ABCC5: variants seen among roughly 807,000 people sequenced by gnomAD.
ABCC5 encodes ATP-binding cassette sub-family C member 5.
ABCC5 carries 61 observed loss-of-function variants against 160.9 expected under a neutral mutation model. The ratio of observed to expected loss-of-function variants is 0.38; its 90% CI spans 0.31 to 0.47. The LOEUF is 0.47. Among genes scored for constraint, ABCC5 ranks in the 20% least tolerant of loss-of-function variants. The pLI, the probability that ABCC5 is intolerant of heterozygous loss-of-function variation, is 0.99. For synonymous variants in ABCC5, 666 were observed against 700.6 expected (o/e 0.95, Z 0.78); for missense variants, 1,308 against 1,813.3 (o/e 0.72, Z 5.06).
chr3:183,985,473 T>C, intron 5 of ABCC5: 3 of 1,086,672 alleles, frequency 2.8e-6, no homozygotes, highest in Non-Finnish European at 4.3e-6. Context: ...TGGAGAGAGG[T>C]TGGAAGGGTG....
At chr3:184,006,361 G>C (rs1170623675) in intron 2 of ABCC5, 1 of 149,992 alleles carries the variant, frequency 6.7e-6, no homozygotes, top group Non-Finnish European at 1.5e-5. Flanking sequence ...CAGAAAATCT[G>C]CTGAGTCACC....
chr3:183,983,004 A>G lies in ABCC5; in HGVS notation c.595T>C (p.Phe199Leu), dbSNP rs1718881429. 1 of 1,613,342 alleles carries G rather than the reference A, an allele frequency of 6.2e-7. No individual in the cohort carries two copies. The highest frequency in any genetic ancestry group is 1.1e-5 in the South Asian group (1 of 91,050). Residue 199 changes from phenylalanine to leucine, a missense_variant, in exon 6 of 30, where the codon TTC (phenylalanine) becomes CTC (leucine). By Grantham distance (22) the Phe-to-Leu change is conservative (BLOSUM62 0). Transcript: ENST00000334444. ...TQLAGFSGPA[F>L]MVKHLLEYTQ... ...TACTCCAAGAGGTGTTTCACCATGA[A>G]GGCCTACAGGGAGAGACACACACCA...
At chr3:184,014,130 C>T (rs749115264) in intron 2 of ABCC5, 134 bp downstream of exon 2, 26 of 666,298 alleles carry the variant, frequency 3.9e-5, no homozygotes, top group Middle Eastern at 3.4e-4. Context: ...GCCTCAGCCT[C>T]CCAAAGTGCT....
At chr3:183,981,206 A>T (rs1327439600) in intron 8 of ABCC5, among the ~76,000 whole-genome samples, 2 of 152,186 alleles carry the variant, frequency 1.3e-5, no homozygotes, top group East Asian at 3.9e-4. Context: ...TTGTGTTGAG[A>T]TCTTTCTGAA....
chr3:183,948,711 A>AT (rs971364783), intron 22 of ABCC5, among the ~76,000 whole-genome samples: 5 of 150,778 alleles, frequency 3.3e-5, no homozygotes, highest in South Asian at 2.1e-4. Context: ...TTTTATTTTT[A>AT]TTTTTTTTGA....
intron 5 of ABCC5, chr3:183,983,974 A>G: frequency 1.0e-6 from 1 of 985,456 alleles, no homozygotes; most frequent in Non-Finnish European, 1.2e-6. Context: ...ATCTGTTTCC[A>G]GAGTCCAAAG....
chr3:183,921,124 C>A lies in ABCC5; in HGVS notation c.*176G>T. On this transcript the variant is annotated 3_prime_UTR_variant, in exon 30 of 30. Transcript: ENST00000334444. The surrounding 1 kb of genome is among the most constrained non-coding windows in gnomAD (Gnocchi z 4.1). ...TGTTTACATGAATATGGAATAAATA[C>A]AATAATCAAAATATGACTCTCCCTA... The A allele has an allele frequency of 6.2e-6, 3 of 484,928 alleles. No individual in the cohort carries two copies. The highest frequency in any genetic ancestry group is 4.0e-5 in the South Asian group (1 of 25,316). 30.0% of individuals were successfully genotyped at this position (484,928 alleles called of 1,614,324 possible).
chr3:183,967,700 C>G lies in ABCC5; in HGVS notation c.1828G>C (p.Gly610Arg). 6.2e-7 allele frequency: 1 copy of G among 1,613,436 alleles called. No individual in the cohort carries two copies. The highest frequency in any genetic ancestry group is 8.5e-7 in the Non-Finnish European group (1 of 1,179,420). The change falls in exon 12 of 30, where the codon GGC becomes CGC. Residue 610 changes from glycine to arginine, a missense_variant. Around this residue, in one of 3 missense-constraint regions of ABCC5, gnomAD observed 1,142 missense variants for 1,527.1 expected, o/e 0.75. Transcript: ENST00000334444. ...GACAATAACAAAAATCTTACCTGGC[C>G]TAAAATGGCTGAAATGAGAGAGGTT... ...GKTSLISAILGQMTLLEGSIA... is the reference protein window; with the variant it reads ...GKTSLISAILRQMTLLEGSIA...
intron 2 of ABCC5, among the ~76,000 whole-genome samples, chr3:184,000,107 C>T (rs564295236): frequency 6.6e-6 from 1 of 151,950 alleles, no homozygotes; most frequent in East Asian, 1.9e-4. Context: ...ACCTACAATC[C>T]CAGCACTCTG....
intron 26 of ABCC5, among the ~76,000 whole-genome samples, chr3:183,936,160 C>A (rs1324690101): frequency 2.0e-5 from 3 of 152,026 alleles, no homozygotes; most frequent in Non-Finnish European, 4.4e-5. Context: ...CGGGCACACA[C>A]CACAGGCATG....
At position 183,949,126 on chromosome 3, in the gene ABCC5, A is replaced by G. The variant is rs939291101; in HGVS notation, c.3227+627T>C. 3.3e-5 allele frequency among the ~76,000 whole-genome samples: 5 copies of G among 152,216 alleles called. No individual in the cohort carries two copies. The highest frequency in any genetic ancestry group is 7.3e-5 in the Non-Finnish European group (5 of 68,040). On this transcript the variant is annotated intron_variant, in intron 22 of 29. Transcript: ENST00000334444. This position sits in a 1 kb window ranked among gnomAD's most constrained non-coding sequence, Gnocchi z 4.2. ...TGGAGATCATTCCCTATCAGTACCT[A>G]TAGAGCTCCCTCATTCTTTTTAAGG...
chr3:183,951,358 G>C lies in ABCC5; in HGVS notation c.2944+83C>G. 1 of 1,549,472 alleles carries C rather than the reference G, an allele frequency of 6.5e-7. No homozygotes were observed. The highest frequency in any genetic ancestry group is 8.7e-7 in the Non-Finnish European group (1 of 1,143,536). ...TGCTCTCAGGATCTACAGACAGACAGATCTGCACATTTGGAGAATCATCTA... is the reference window on the plus strand; with the variant it reads ...TGCTCTCAGGATCTACAGACAGACACATCTGCACATTTGGAGAATCATCTA... On this transcript the variant is annotated intron_variant, in intron 20 of 29. Coordinates refer to ENST00000334444, the MANE Select transcript of ABCC5 (RefSeq NM_005688.4). The surrounding 1 kb of genome is among the most constrained non-coding windows in gnomAD (Gnocchi z 4.7).
At chr3:183,953,021 C>CAGGGAAT in intron 18 of ABCC5, 65 bp downstream of exon 18, 1 of 1,466,930 alleles carries the variant, frequency 6.8e-7, no homozygotes, top group Non-Finnish European at 9.2e-7. Flanking sequence ...TAAGAATAGC[C>CAGGGAAT]AGGGAATAGG....
At chr3:183,931,597 G>A (rs372858083) in intron 26 of ABCC5, among the ~76,000 whole-genome samples, 1 of 152,240 alleles carries the variant, frequency 6.6e-6, no homozygotes, top group African/African-American at 2.4e-5. Context: ...GCTTCCCAAA[G>A]TGTTGGGATT....
intron 17 of ABCC5, among the ~76,000 whole-genome samples, chr3:183,957,873 CGG>C (rs1716319332): frequency 4.2e-5 from 5 of 119,278 alleles, no homozygotes; most frequent in Admixed American, 1.6e-4. Context: ...CTGTTACATG[CGG>C]ATCCGTGTGT....
At chr3:183,973,776 T>C (rs760689788) in intron 10 of ABCC5, among the ~76,000 whole-genome samples, 12 of 152,184 alleles carry the variant, frequency 7.9e-5, no homozygotes, top group East Asian at 1.9e-4. Flanking sequence ...TCCTGAGAGA[T>C]TGAACTAAGA....
chr3:183,979,439 A>G (rs1275719926), intron 8 of ABCC5, among the ~76,000 whole-genome samples: 1 of 152,220 alleles, frequency 6.6e-6, no homozygotes, highest in Non-Finnish European at 1.5e-5. Context: ...CCATATAAAA[A>G]TGCAGTAATG....
intron 17 of ABCC5, among the ~76,000 whole-genome samples, chr3:183,955,106 G>A (rs1715750326): frequency 6.6e-6 from 1 of 152,154 alleles, no homozygotes; most frequent in Non-Finnish European, 1.5e-5. Context: ...GCAGACGTCA[G>A]AGAGAACAGA....
intron 5 of ABCC5, chr3:183,984,552 C>T: frequency 8.1e-7 from 1 of 1,227,732 alleles, no homozygotes; most frequent in Non-Finnish European, 1.0e-6. Context: ...CAGATGTCCA[C>T]TAGGTCCTAG....
Sources: allele counts gnomAD v4.1 joint callset (sites outside exome capture counted in the v4.1 genomes callset), GRCh38; gene constraint gnomAD v4.1.1; regional missense constraint gnomAD v4.1.1; non-coding constraint Gnocchi (gnomAD v3.1); transcripts MANE v1.5; gene names NCBI Gene and HGNC (gene_info 2026-07-23, HGNC 2026-07-21).